Variants in CACNG4 observed in about 807,000 individuals in gnomAD.
CACNG4 encodes calcium voltage-gated channel auxiliary subunit gamma 4.
In CACNG4, 8 loss-of-function variants were observed where a neutral mutation model predicts 22.9. The observed-to-expected ratio is 0.35, with a 90% confidence interval of 0.21 to 0.63. The LOEUF (loss-of-function observed/expected upper bound fraction) is 0.63, where lower values mean the gene tolerates loss of function less well. Among genes scored for constraint, CACNG4 ranks in the 30% least tolerant of loss-of-function variants. The pLI is 0.72. For missense variants in CACNG4, 357 were observed against 455.4 expected, an observed-to-expected ratio of 0.78 and a Z score of 1.97; for synonymous variants, 188 against 191.9, an observed-to-expected ratio of 0.98 and a Z score of 0.17.
chr17:66,965,040 C>T lies in CACNG4; in HGVS notation c.129C>T (p.Gly43=). The change falls in exon 1 of 4, where the codon GGC becomes GGT. Residue 43 remains glycine (G), a synonymous_variant. Transcript: ENST00000262138. ...WLYSSAHICN[G]TNLTMDDGPP... ...ACTCCAGCGCGCACATCTGCAACGG[C>T]ACCAACCTGACCATGGACGACGGGC... 1 of 1,610,656 alleles carries T rather than the reference C, an allele frequency of 6.2e-7. No homozygotes were observed. Among genetic ancestry groups the T allele is most frequent in the Non-Finnish European group, 8.5e-7 (1 of 1,178,954 alleles).
chr17:67,012,451 T>G (rs1328374311), intron 1 of CACNG4, among the ~76,000 whole-genome samples: 1 of 152,058 alleles, frequency 6.6e-6, no homozygotes, highest in Non-Finnish European at 1.5e-5. Flanking sequence ...GGACCAGGCA[T>G]CGGGGAGGGG....
chr17:67,024,984 C>A lies in CACNG4; in HGVS notation c.429C>A (p.Ile143=). 1 of 1,597,172 alleles carries A rather than the reference C, an allele frequency of 6.3e-7. No individual in the cohort carries two copies. Among genetic ancestry groups the A allele is most frequent in the Non-Finnish European group, 8.5e-7 (1 of 1,173,796 alleles). The part of the protein sequence containing the change: ...RKNNIVLSAG[I]LFVAAGLSNI... ...ACAACATCGTCCTCAGTGCCGGCAT[C>A]CTCTTCGTGGCTGCAGGTGAGCCGC... Residue 143 remains isoleucine, a synonymous_variant, in exon 3 of 4, where the codon ATC becomes ATA. Transcript: ENST00000262138.
Position 67,031,941 on chromosome 17 carries a change from GT to G in CACNG4, c.*938del. On this transcript the variant is annotated 3_prime_UTR_variant, in exon 4 of 4. Transcript: ENST00000262138. This position sits in a 1 kb window ranked among gnomAD's most constrained non-coding sequence, Gnocchi z 4.0. ...TTTGGCAACAGGAGCCTGGACTTCT[GT>G]GCAAGAAAGGGAGACCTAAGGGTGA... The G allele has an allele frequency of 2.2e-6, 1 of 456,722 alleles. No individual in the cohort carries two copies. Among genetic ancestry groups the G allele is most frequent in the Non-Finnish European group, 4.4e-6 (1 of 226,984 alleles). 28.3% of individuals were successfully genotyped at this position (456,722 alleles called of 1,614,324 possible).
intron 1 of CACNG4, among the ~76,000 whole-genome samples, chr17:67,014,953 A>C (rs1348475884): frequency 2.0e-5 from 3 of 151,484 alleles, no homozygotes; most frequent in Non-Finnish European, 4.4e-5. Context: ...CAAAAAAAAA[A>C]AAAAAAGAAA....
Position 66,984,125 on chromosome 17 carries a change from T to A in CACNG4, c.220+18994T>A, listed in dbSNP as rs959126577. Among the ~76,000 whole-genome samples the A allele has an allele frequency of 6.6e-6, 1 of 152,196 alleles. No individual in the cohort carries two copies. The highest frequency in any genetic ancestry group is 2.4e-5 in the African/African-American group (1 of 41,432). On this transcript the variant is annotated intron_variant, in intron 1 of 3. Coordinates refer to ENST00000262138, the MANE Select transcript of CACNG4 (RefSeq NM_014405.4). The surrounding 1 kb of genome is among the most constrained non-coding windows in gnomAD (Gnocchi z 4.0). ...CAGCTGCAATGGCTTGAACCTGTAA[T>A]CCTAGCACTTTGGGAAGCCAAGGCA...
intron 1 of CACNG4, among the ~76,000 whole-genome samples, chr17:67,015,833 G>A (rs1252161061): frequency 6.6e-6 from 1 of 152,164 alleles, no homozygotes; most frequent in Non-Finnish European, 1.5e-5. Context: ...GGTGTGTGGG[G>A]AAGGGGAGGA....
At position 67,030,097 on chromosome 17, in the gene CACNG4, G is replaced by A. The variant is rs2035593280; in HGVS notation, c.446-369G>A. On this transcript the variant is annotated intron_variant, in intron 3 of 3. Transcript: ENST00000262138. This position sits in a 1 kb window ranked among gnomAD's most constrained non-coding sequence, Gnocchi z 6.4. The stretch of plus-strand genomic sequence containing the variant: ...TCTGATTCAGAACCGTCTCTCAGAT[G>A]TACTGTTAAGAGAAAAACTAAGCAG... 6.6e-6 allele frequency among the ~76,000 whole-genome samples: 1 copy of A among 152,174 alleles called. No homozygotes were observed. The highest frequency in any genetic ancestry group is 2.1e-4 in the South Asian group (1 of 4,826).
rs1220666842 is a variant in CACNG4 at position 67,031,154 on chromosome 17, C to T, written c.*150C>T. On this transcript the variant is annotated 3_prime_UTR_variant, in exon 4 of 4. Transcript: ENST00000262138. The surrounding 1 kb of genome is among the most constrained non-coding windows in gnomAD (Gnocchi z 4.0). ...CCAGAGGTGGCGTGGGCTGGCTTTG[C>T]ACGAAGGTTGTGCTGGGAGACCGGA... 1 of 836,946 alleles carries T rather than the reference C, an allele frequency of 1.2e-6. No individual in the cohort carries two copies. 51.8% of individuals were successfully genotyped at this position (836,946 alleles called of 1,614,324 possible).
intron 1 of CACNG4, among the ~76,000 whole-genome samples, chr17:66,983,446 G>C (rs1432831115): frequency 1.3e-5 from 2 of 152,206 alleles, no homozygotes. Flanking sequence ...TGGAGGAGGA[G>C]TTTAGATGGG....
intron 1 of CACNG4, among the ~76,000 whole-genome samples, chr17:66,973,577 C>T (rs1355650767): frequency 1.3e-5 from 2 of 152,206 alleles, no homozygotes; most frequent in Admixed American, 1.3e-4. Flanking sequence ...AAAGGTTGGG[C>T]AACACACAGC....
At chr17:67,025,329 G>A (rs1382741530) in intron 3 of CACNG4, among the ~76,000 whole-genome samples, 1 of 152,240 alleles carries the variant, frequency 6.6e-6, no homozygotes, top group Non-Finnish European at 1.5e-5. Context: ...CGGAAAATAA[G>A]TCCAGGTGTG....
chr17:66,992,356 C>T (rs904383733), intron 1 of CACNG4, among the ~76,000 whole-genome samples: 1 of 152,216 alleles, frequency 6.6e-6, no homozygotes, highest in Non-Finnish European at 1.5e-5. Context: ...ATCAGAAGAG[C>T]TTATTTAGGT....
At chr17:67,019,981 G>A (rs1156990441) in intron 2 of CACNG4, 2 of 152,270 alleles carry the variant, frequency 1.3e-5, no homozygotes, top group African/African-American at 4.8e-5. Context: ...TGCGGGTGAG[G>A]TTAAGGGAAA....
chr17:67,004,966 C>T lies in CACNG4; in HGVS notation c.221-13223C>T, dbSNP rs190938703. On this transcript the variant is annotated intron_variant, in intron 1 of 3. Transcript: ENST00000262138. ...CTCAAACTCCTGGGCTCAAGCAATCCGCCCACTTCAGCCTCCCAAAGTGCT... is the reference window on the plus strand; with the variant it reads ...CTCAAACTCCTGGGCTCAAGCAATCTGCCCACTTCAGCCTCCCAAAGTGCT... 3.5e-3 allele frequency among the ~76,000 whole-genome samples: 537 copies of T among 152,280 alleles called. 1 individual carries two copies. The highest frequency in any genetic ancestry group is 5.7e-3 in the Non-Finnish European group (386 of 68,022).
chr17:67,024,616 C>T (rs2035552013), intron 2 of CACNG4, among the ~76,000 whole-genome samples: 1 of 152,212 alleles, frequency 6.6e-6, no homozygotes, highest in Admixed American at 6.5e-5. Flanking sequence ...AGAGACTAAA[C>T]AAGAGGTAGA....
rs545071658 is a variant in CACNG4 at position 66,997,810 on chromosome 17, C to T, written c.221-20379C>T. ...CCAGCCTGGGCAATGGGAGTGAGAC[C>T]CTGTCAAAAACAAACAAACAAACAA... is the stretch of plus-strand genomic sequence containing the variant. On this transcript the variant is annotated intron_variant, in intron 1 of 3. Transcript: ENST00000262138. 1.3e-3 allele frequency among the ~76,000 whole-genome samples: 197 copies of T among 151,804 alleles called. 1 individual carries two copies. Among genetic ancestry groups the T allele is most frequent in the African/African-American group, 4.6e-3 (191 of 41,206 alleles).
chr17:67,032,826 C>T lies in CACNG4; in HGVS notation c.*1822C>T, dbSNP rs185613832. The T allele has an allele frequency of 6.5e-6, 1 of 153,112 alleles. No individual in the cohort carries two copies. Among genetic ancestry groups the T allele is most frequent in the Non-Finnish European group, 1.5e-5 (1 of 68,290 alleles). 9.5% of individuals were successfully genotyped at this position (153,112 alleles called of 1,614,324 possible). ...TCTAGGCCAGCCCTGTCACCACCTCCACTGCCATGACCAGGCCGAAGGCAG... is the reference window on the plus strand; with the variant it reads ...TCTAGGCCAGCCCTGTCACCACCTCTACTGCCATGACCAGGCCGAAGGCAG... On this transcript the variant is annotated 3_prime_UTR_variant, in exon 4 of 4. Coordinates refer to ENST00000262138, the MANE Select transcript of CACNG4 (RefSeq NM_014405.4).
At chr17:67,009,599 C>G (rs1208693123) in intron 1 of CACNG4, among the ~76,000 whole-genome samples, 1 of 152,134 alleles carries the variant, frequency 6.6e-6, no homozygotes, top group Non-Finnish European at 1.5e-5. Context: ...TAGTATATAA[C>G]AAAATACTAT....
chr17:67,005,114 G>A (rs1489928688), intron 1 of CACNG4, among the ~76,000 whole-genome samples: 1 of 152,188 alleles, frequency 6.6e-6, no homozygotes, highest in Non-Finnish European at 1.5e-5. Flanking sequence ...AAAGAGGCAG[G>A]AGCCTCCATA....
Sources: gnomAD v4.1 joint callset for allele counts (sites outside exome capture counted in the v4.1 genomes callset) on GRCh38, gnomAD v4.1.1 for gene constraint, Gnocchi (gnomAD v3.1) non-coding constraint, MANE v1.5 for transcripts, NCBI Gene and HGNC (gene_info 2026-07-23, HGNC 2026-07-21) for gene names.